DCHS2: variants seen among roughly 807,000 people sequenced by gnomAD.
DCHS2 encodes dachsous cadherin-related 2, also known as protocadherin-23.
DCHS2 carries 142 observed loss-of-function variants against 182.4 expected under a neutral mutation model. The observed-to-expected ratio is 0.78, with a 90% CI of 0.68 to 0.89. The LOEUF (loss-of-function observed/expected upper bound fraction) is 0.89. Among genes scored for constraint, DCHS2 ranks in the 40% least tolerant of loss-of-function variants. The pLI is 0.00. For synonymous variants in DCHS2, 1,740 were observed against 1,663.3 expected (o/e 1.05, Z -1.12); for missense variants, 4,319 against 4,198.6 (o/e 1.03, Z -0.79).
chr4:154,245,056 G>A (rs1732009765), intron 16 of DCHS2, among the ~76,000 whole-genome samples: 1 of 152,092 alleles, frequency 6.6e-6, no homozygotes, highest in Non-Finnish European at 1.5e-5. Flanking sequence ...TTAAAAAGAA[G>A]TGAGATTCTT....
At chr4:154,288,425 AT>A (rs1410205775) in intron 13 of DCHS2, among the ~76,000 whole-genome samples, 3 of 152,168 alleles carry the variant, frequency 2.0e-5, no homozygotes, top group Admixed American at 2.0e-4. Context: ...TAAGGAAAAT[AT>A]TATTAGACCT....
At chr4:154,443,092 G>A (rs77680916) in intron 1 of DCHS2, among the ~76,000 whole-genome samples, 196 of 151,866 alleles carry the variant, frequency 1.3e-3, no homozygotes, top group East Asian at 8.1e-3. Context: ...AACCACCACC[G>A]CCTCATGCCC....
rs530156136 is a variant in DCHS2 at position 154,491,253 on chromosome 4, G to A, written c.103C>T (p.Arg35Trp). Residue 35 changes from arginine (R) to tryptophan (W), a missense_variant, in exon 1 of 20, where the codon CGG (arginine) becomes TGG (tryptophan). Coordinates refer to ENST00000357232, the MANE Select transcript of DCHS2 (RefSeq NM_001358235.2). ...LPGRRDTPHGRSGSSGARTQR... is the reference protein window; with the variant it reads ...LPGRRDTPHGWSGSSGARTQR... ...GTCCTGGCGCCGCTGCTGCCTGACC[G>A]CCCATGGGGTGTATCTCTCCTCCCG... 14 of 1,551,372 alleles carry A rather than the reference G, an allele frequency of 9.0e-6. No homozygotes were observed. The South Asian group carries it at 1.1e-4, about 12-fold the overall frequency.
At chr4:154,483,476 C>A (rs945720750) in intron 1 of DCHS2, among the ~76,000 whole-genome samples, 4 of 152,198 alleles carry the variant, frequency 2.6e-5, no homozygotes, top group South Asian at 2.1e-4. Flanking sequence ...ACTGGGTCAA[C>A]TGAAGAAACA....
chr4:154,441,781 T>C (rs1734024648), intron 1 of DCHS2, among the ~76,000 whole-genome samples: 1 of 152,156 alleles, frequency 6.6e-6, no homozygotes, highest in South Asian at 2.1e-4. Flanking sequence ...ACTTCTTGTT[T>C]TATAAAAACA....
At chr4:154,468,460 C>T (rs1735325685) in intron 1 of DCHS2, among the ~76,000 whole-genome samples, 1 of 152,092 alleles carries the variant, frequency 6.6e-6, no homozygotes, top group African/African-American at 2.4e-5. Flanking sequence ...TCTATGTTAG[C>T]TTCTAATTAT....
intron 1 of DCHS2, among the ~76,000 whole-genome samples, chr4:154,430,471 A>G (rs1441332051): frequency 2.0e-5 from 3 of 152,182 alleles, no homozygotes; most frequent in Non-Finnish European, 4.4e-5. Context: ...GACCCAAGGC[A>G]GGATAAAATT....
chr4:154,255,772 A>G, intron 15 of DCHS2, 102 bp from the exon 16 acceptor site: 1 of 1,405,670 alleles, frequency 7.1e-7, no homozygotes, highest in Non-Finnish European at 9.3e-7. Context: ...AGCTTGTCAA[A>G]CATATTTTAA....
intron 1 of DCHS2, among the ~76,000 whole-genome samples, chr4:154,390,965 G>T (rs991248777): frequency 9.2e-5 from 14 of 152,148 alleles, no homozygotes; most frequent in African/African-American, 2.7e-4. Flanking sequence ...GTCTATCATA[G>T]ATATTGATAA....
intron 2 of DCHS2, among the ~76,000 whole-genome samples, chr4:154,375,755 T>C (rs1184918094): frequency 6.6e-6 from 1 of 152,170 alleles, no homozygotes; most frequent in Non-Finnish European, 1.5e-5. Flanking sequence ...CCTTTGTATA[T>C]ACTCAAGAGA....
At chr4:154,348,758 G>A (rs1009742302) in intron 3 of DCHS2, among the ~76,000 whole-genome samples, 1 of 151,860 alleles carries the variant, frequency 6.6e-6, no homozygotes, top group South Asian at 2.1e-4. Flanking sequence ...TAATCCTGTT[G>A]ACACCTTGAT....
At position 154,269,896 on chromosome 4, in the gene DCHS2, T is replaced by C; in HGVS notation, c.6577+4A>G. The C allele has an allele frequency of 6.2e-7, 1 of 1,608,614 alleles. No individual in the cohort carries two copies. Among genetic ancestry groups the C allele is most frequent in the Non-Finnish European group, 8.5e-7 (1 of 1,178,142 alleles). On this transcript the variant is annotated splice_donor_region_variant and intron_variant, in intron 14 of 19. Transcript: ENST00000357232. The stretch of plus-strand genomic sequence containing the variant: ...AAAGCTAGTATAGGGTAGAGAAGGA[T>C]TACCTGACTTAGAGCACAGGGAAAG...
intron 7 of DCHS2, 38 bp downstream of exon 7, chr4:154,328,055 C>T: frequency 6.9e-7 from 1 of 1,449,934 alleles, no homozygotes; most frequent in Admixed American, 2.1e-5. Flanking sequence ...AGCAGAAATC[C>T]TAAAAGTTCT....
Position 154,366,378 on chromosome 4 carries a change from C to G in DCHS2, c.2308G>C (p.Val770Leu), listed in dbSNP as rs1730360863. The G allele has an allele frequency of 6.2e-7, 1 of 1,613,946 alleles. No individual in the cohort carries two copies. Among genetic ancestry groups the G allele is most frequent in the South Asian group, 1.1e-5 (1 of 91,054 alleles). The change falls in exon 3 of 20, where the codon GTG (valine) becomes CTG (leucine). Residue 770 changes from valine to leucine, a missense_variant. Physicochemically the swap from Val to Leu is conservative, Grantham distance 32. Coordinates refer to ENST00000357232, the MANE Select transcript of DCHS2 (RefSeq NM_001358235.2). ...GTCACATAGGTTGATGGGTTAAACA[C>G]AGGATGATTATCATTCACGTCCTCC... ...DLEDVNDNHP[V>L]FNPSTYVTSI...
At chr4:154,255,864 T>C (rs1732640303) in intron 15 of DCHS2, among the ~76,000 whole-genome samples, 194 bp from the exon 16 acceptor site, 1 of 152,224 alleles carries the variant, frequency 6.6e-6, no homozygotes, top group Non-Finnish European at 1.5e-5. Context: ...GGGGAAATTC[T>C]TCATCCAAAG....
chr4:154,303,905 TC>T (rs1735322951), intron 12 of DCHS2, among the ~76,000 whole-genome samples: 1 of 152,310 alleles, frequency 6.6e-6, no homozygotes, highest in South Asian at 2.1e-4. Context: ...ATTTCAGAAT[TC>T]CTTATTCCCT....
chr4:154,337,297 G>A (rs372250534), intron 3 of DCHS2, among the ~76,000 whole-genome samples: 2 of 152,170 alleles, frequency 1.3e-5, no homozygotes, highest in African/African-American at 4.8e-5. Context: ...ACTAAATTCC[G>A]ATTACAGAGA....
Position 154,333,364 on chromosome 4 carries a change from G to A in DCHS2, c.2844C>T (p.Leu948=). The A allele has an allele frequency of 6.2e-7, 1 of 1,614,200 alleles. No homozygotes were observed. The highest frequency in any genetic ancestry group is 8.5e-7 in the Non-Finnish European group (1 of 1,180,034). ...CGCTGCCGAGCTGCGCCTGCACCGT[G>A]AGCACAACCACGGGCTGCGTCTCGT... The part of the protein sequence containing the change: ...LDHETQPVVV[L]TVQAQLGSAP... Residue 948 remains leucine (L), a synonymous_variant, in exon 5 of 20, where the codon CTC becomes CTT. Transcript: ENST00000357232.
chr4:154,430,830 A>T (rs1733530133), intron 1 of DCHS2, among the ~76,000 whole-genome samples: 1 of 152,166 alleles, frequency 6.6e-6, no homozygotes, highest in Admixed American at 6.5e-5. Context: ...ACAAAAGACC[A>T]TCCTACCCTG....
Sources: allele counts gnomAD v4.1 joint callset (sites outside exome capture counted in the v4.1 genomes callset), GRCh38; gene constraint gnomAD v4.1.1; transcripts MANE v1.5; gene names NCBI Gene and HGNC (gene_info 2026-07-23, HGNC 2026-07-21).